PCLO: variants seen among roughly 807,000 people sequenced by gnomAD.
PCLO encodes piccolo presynaptic cytomatrix protein, also known as protein piccolo.
In PCLO, 82 loss-of-function variants were observed where a neutral mutation model predicts 427.5. The observed-to-expected ratio is 0.19, with a 90% confidence interval of 0.16 to 0.23. The LOEUF (loss-of-function observed/expected upper bound fraction) is 0.23. Ranked by LOEUF, PCLO falls within the 10% of genes least tolerant of loss-of-function variation. PCLO has a pLI of 1.00. For synonymous variants in PCLO, 2,357 were observed against 2,155.4 expected, an observed-to-expected ratio of 1.09 and a Z score of -2.59; for missense variants, 6,239 against 6,115.9, an observed-to-expected ratio of 1.02 and a Z score of -0.67.
chr7:82,797,549 T>A (rs1791252657), intron 22 of PCLO, among the ~76,000 whole-genome samples: 1 of 152,138 alleles, frequency 6.6e-6, no homozygotes, highest in Non-Finnish European at 1.5e-5. Context: ...ATTTTATCAA[T>A]CCTGAATAAT....
At chr7:82,803,218 CA>C (rs1205290723) in intron 21 of PCLO, among the ~76,000 whole-genome samples, 2 of 152,040 alleles carry the variant, frequency 1.3e-5, no homozygotes, top group Non-Finnish European at 2.9e-5. Flanking sequence ...TTACTTTTAT[CA>C]GTACGCTACA....
chr7:83,127,322 C>CA (rs1791462246), intron 3 of PCLO, among the ~76,000 whole-genome samples: 1 of 144,088 alleles, frequency 6.9e-6, no homozygotes, highest in Non-Finnish European at 1.5e-5. Flanking sequence ...AAATAATTTT[C>CA]AAAAACATAA....
Position 83,005,139 on chromosome 7 carries a change from C to A in PCLO, c.3301-38652G>T, listed in dbSNP as rs533150081. Among the ~76,000 whole-genome samples, 8 of 151,628 alleles carry A rather than the reference C, an allele frequency of 5.3e-5. No homozygotes were observed. The South Asian group carries it at 1.7e-3, about 31-fold the overall frequency. On this transcript the variant is annotated intron_variant, in intron 3 of 24. Coordinates refer to ENST00000333891, the MANE Select transcript of PCLO (RefSeq NM_033026.6). ...AGAAAAGAACTACCATATGATCCAGCAATGCAGCTTTTGGGTATATATTAA... is the reference window on the plus strand; with the variant it reads ...AGAAAAGAACTACCATATGATCCAGAAATGCAGCTTTTGGGTATATATTAA...
chr7:82,761,247 T>C, intron 23 of PCLO, 112 bp downstream of exon 23: 1 of 593,122 alleles, frequency 1.7e-6, no homozygotes, highest in Non-Finnish European at 2.8e-6. Flanking sequence ...TCAGTTATTT[T>C]TTCTGACATA....
chr7:82,915,221 A>C lies in PCLO; in HGVS notation c.12765T>G (p.Phe4255Leu). The change falls in exon 7 of 25, where the codon TTT becomes TTG. Residue 4255 changes from phenylalanine to leucine, a missense_variant. Transcript: ENST00000333891. ...GTCCTGTGCCAAGAGAAGATCCCAT[A>C]AATTTTTGTTGGTCTGTAATATTTT... ...LRKNITDQQK[F>L]MGSSLGTGLG... is the part of the protein sequence containing the mutation. 6.2e-7 allele frequency: 1 copy of C among 1,613,096 alleles called. No individual in the cohort carries two copies. The highest frequency in any genetic ancestry group is 8.5e-7 in the Non-Finnish European group (1 of 1,179,588).
chr7:82,979,105 T>A (rs1035745654), intron 3 of PCLO, among the ~76,000 whole-genome samples: 2 of 152,180 alleles, frequency 1.3e-5, no homozygotes, highest in Admixed American at 1.3e-4. Flanking sequence ...TGTTGGCATC[T>A]GTTTTAAAGT....
intron 3 of PCLO, among the ~76,000 whole-genome samples, chr7:83,100,177 T>A (rs574145832): frequency 1.1e-4 from 17 of 152,288 alleles, no homozygotes; most frequent in African/African-American, 4.1e-4. Context: ...CTGGCGAGGT[T>A]GTGAAGAAAA....
chr7:83,151,177 T>G (rs888181033), intron 2 of PCLO, among the ~76,000 whole-genome samples: 10 of 152,194 alleles, frequency 6.6e-5, no homozygotes, highest in African/African-American at 2.2e-4. Context: ...AATTAGACCT[T>G]TTGATTGCGT....
Position 82,998,201 on chromosome 7 carries a change from G to C in PCLO, c.3301-31714C>G, listed in dbSNP as rs145683082. Among the ~76,000 whole-genome samples, 918 of 152,038 alleles carry C rather than the reference G, an allele frequency of 6.0e-3. 7 individuals carry two copies. The highest frequency in any genetic ancestry group is 9.7e-3 in the Non-Finnish European group (662 of 67,944). ...TTGGTGTGGACAAGCCTGAGAGTTT[G>C]AATCCAGGAAGAACAAGTCACTAAT... On this transcript the variant is annotated intron_variant, in intron 3 of 24. Coordinates refer to ENST00000333891, the MANE Select transcript of PCLO (RefSeq NM_033026.6).
chr7:82,960,931 T>A (rs1417864043), intron 4 of PCLO, among the ~76,000 whole-genome samples: 1 of 152,160 alleles, frequency 6.6e-6, no homozygotes, highest in Non-Finnish European at 1.5e-5. Context: ...GGAAAAAACA[T>A]CTTGTGCAGT....
intron 20 of PCLO, among the ~76,000 whole-genome samples, chr7:82,806,622 A>C (rs578165870): frequency 6.6e-6 from 1 of 152,260 alleles, no homozygotes; most frequent in East Asian, 1.9e-4. Context: ...TGCTGGGGAG[A>C]AGTTTCTCTA....
At chr7:83,000,271 G>C (rs1398155193) in intron 3 of PCLO, among the ~76,000 whole-genome samples, 2 of 9,296 alleles carry the variant, frequency 2.2e-4, no homozygotes, top group East Asian at 0.015. Flanking sequence ...AAAGTGTTGA[G>C]AGAGAGAGAG....
intron 3 of PCLO, among the ~76,000 whole-genome samples, chr7:83,123,697 G>C (rs1584053717): frequency 6.6e-6 from 1 of 151,852 alleles, no homozygotes; most frequent in East Asian, 1.9e-4. Flanking sequence ...CCATATAATG[G>C]GAGAAAATTT....
intron 3 of PCLO, among the ~76,000 whole-genome samples, chr7:83,043,912 C>CTTTTTTTTTTTTTTTTTTTTT (rs869061778): frequency 1.8e-4 from 17 of 94,910 alleles, no homozygotes; most frequent in African/African-American, 2.4e-4. Context: ...CTATTATTTT[C>CTTTTTTTTTTTTTTTTTTTTT]TTTTTTTTTT....
intron 10 of PCLO, among the ~76,000 whole-genome samples, chr7:82,866,603 A>G (rs1793098494): frequency 6.6e-6 from 1 of 151,916 alleles, no homozygotes; most frequent in Non-Finnish European, 1.5e-5. Context: ...AAGTAGCTTA[A>G]GAGAAAAATA....
chr7:82,911,382 A>C (rs1794316119), intron 7 of PCLO, among the ~76,000 whole-genome samples: 2 of 152,236 alleles, frequency 1.3e-5, no homozygotes, highest in Admixed American at 6.5e-5. Flanking sequence ...TGAAAAAGTA[A>C]ATTTTATAAC....
intron 10 of PCLO, among the ~76,000 whole-genome samples, chr7:82,850,771 C>T (rs1403774384): frequency 6.6e-6 from 1 of 152,048 alleles, no homozygotes; most frequent in Non-Finnish European, 1.5e-5. Context: ...AATTCATCAC[C>T]TTTGCTTATG....
intron 3 of PCLO, among the ~76,000 whole-genome samples, chr7:82,980,741 C>A (rs17156944): frequency 0.074 from 11,227 of 151,932 alleles, 1,408 homozygotes; most frequent in African/African-American, 0.26. Flanking sequence ...GCAGCAGCAG[C>A]AGAACTGAAT....
intron 3 of PCLO, among the ~76,000 whole-genome samples, chr7:83,094,794 G>T (rs1790490843): frequency 6.6e-6 from 1 of 152,110 alleles, no homozygotes; most frequent in African/African-American, 2.4e-5. Flanking sequence ...TGCATGTTTA[G>T]TTTTTTTAAG....
Sources: allele counts gnomAD v4.1 joint callset (sites outside exome capture counted in the v4.1 genomes callset), GRCh38; gene constraint gnomAD v4.1.1; transcripts MANE v1.5; gene names NCBI Gene and HGNC (gene_info 2026-07-23, HGNC 2026-07-21).